Variants in ARHGAP26 observed in about 807,000 individuals in gnomAD.
ARHGAP26 encodes the protein rho GTPase-activating protein 26.
A neutral mutation model predicts 104.8 loss-of-function variants in ARHGAP26; 38 were observed. That is an observed-to-expected ratio of 0.36 (90% CI 0.28 to 0.48). The LOEUF (loss-of-function observed/expected upper bound fraction) is 0.48, where lower values mean the gene tolerates loss of function less well. Ranked by LOEUF, ARHGAP26 falls within the 20% of genes least tolerant of loss-of-function variation. ARHGAP26 has a pLI of 0.99. For synonymous variants in ARHGAP26, 341 were observed against 340.0 expected (o/e 1.00, Z -0.03); for missense variants, 704 against 947.9 (o/e 0.74, Z 3.38).
chr5:143,012,544 C>CATATATATATAT (rs1562259165), intron 11 of ARHGAP26, among the ~76,000 whole-genome samples: 1 of 43,078 alleles, frequency 2.3e-5, no homozygotes, highest in Non-Finnish European at 6.1e-5. Flanking sequence ...TATTTATATA[C>CATATATATATAT]ATACATACAT....
intron 11 of ARHGAP26, among the ~76,000 whole-genome samples, chr5:143,013,765 A>T (rs1026656074): frequency 1.3e-5 from 2 of 152,210 alleles, no homozygotes; most frequent in African/African-American, 4.8e-5. Context: ...ATGCTTAATG[A>T]TTTGTAACTA....
chr5:142,894,318 A>C lies in ARHGAP26; in HGVS notation c.567A>C (p.Gln189His). The C allele has an allele frequency of 6.2e-7, 1 of 1,614,122 alleles. No homozygotes were observed. The highest frequency in any genetic ancestry group is 8.5e-7 in the Non-Finnish European group (1 of 1,179,978). The change falls in exon 6 of 23, where the codon CAA (glutamine) becomes CAC (histidine). Residue 189 changes from glutamine to histidine, a missense_variant. By Grantham distance (24) the Gln-to-His change is conservative. Transcript: ENST00000645722. The stretch of plus-strand genomic sequence containing the variant: ...ATGTCTTCAAGGTGCAGGAAGTCCA[A>C]GAGAGAAAGATGTTTGAGTTTGTGG... ...LEYVFKVQEV[Q>H]ERKMFEFVEP...
intron 17 of ARHGAP26, among the ~76,000 whole-genome samples, chr5:143,080,675 A>G (rs1789674771): frequency 6.6e-6 from 1 of 152,242 alleles, no homozygotes; most frequent in Admixed American, 6.5e-5. Context: ...AGAGCTAAGC[A>G]GGGGCCAGAT....
chr5:143,195,374 GT>G (rs1309121105), intron 20 of ARHGAP26, among the ~76,000 whole-genome samples: 6 of 152,124 alleles, frequency 3.9e-5, no homozygotes, highest in African/African-American at 1.4e-4. Context: ...TTACTCCTTT[GT>G]TTTCAGCAGT....
intron 22 of ARHGAP26, 27 bp downstream of exon 22, chr5:143,214,115 T>G (rs1353687395): frequency 5.1e-5 from 18 of 354,526 alleles, no homozygotes; most frequent in African/African-American, 5.6e-5. Flanking sequence ...CTCACAAAGA[T>G]ATGGGCGGGG....
At chr5:142,980,319 A>G (rs1342362797) in intron 11 of ARHGAP26, among the ~76,000 whole-genome samples, 1 of 151,752 alleles carries the variant, frequency 6.6e-6, no homozygotes, top group African/African-American at 2.4e-5. Flanking sequence ...TTGTTTGTAA[A>G]TTTGAGCTAT....
chr5:142,791,727 G>GCTGGGAT (rs1759856426), intron 1 of ARHGAP26, among the ~76,000 whole-genome samples: 3 of 152,088 alleles, frequency 2.0e-5, no homozygotes, highest in African/African-American at 7.2e-5. Flanking sequence ...ACTTTGGGAG[G>GCTGGGAT]CCAAGGCGGG....
chr5:142,865,240 G>A (rs937725008), intron 1 of ARHGAP26, among the ~76,000 whole-genome samples: 4 of 152,088 alleles, frequency 2.6e-5, no homozygotes, highest in Non-Finnish European at 2.9e-5. Flanking sequence ...TTGACACAGC[G>A]GTCATTGATC....
chr5:142,845,377 A>G (rs1478632312), intron 1 of ARHGAP26, among the ~76,000 whole-genome samples: 1 of 152,168 alleles, frequency 6.6e-6, no homozygotes, highest in Admixed American at 6.5e-5. Context: ...AGAGCAGTTA[A>G]GAATAGCAAA....
At chr5:142,844,009 T>C (rs1339360705) in intron 1 of ARHGAP26, among the ~76,000 whole-genome samples, 5 of 151,840 alleles carry the variant, frequency 3.3e-5, no homozygotes, top group African/African-American at 1.2e-4. Context: ...TAATATATAA[T>C]AAGATACTTG....
At chr5:143,156,022 G>T (rs1800427597) in intron 20 of ARHGAP26, among the ~76,000 whole-genome samples, 1 of 152,214 alleles carries the variant, frequency 6.6e-6, no homozygotes, top group South Asian at 2.1e-4. Context: ...ATTTGGGAAG[G>T]AAATAGGCTT....
intron 20 of ARHGAP26, among the ~76,000 whole-genome samples, chr5:143,192,142 A>G (rs952763598): frequency 3.9e-5 from 6 of 152,264 alleles, no homozygotes; most frequent in African/African-American, 1.4e-4. Context: ...CTGCAATTCA[A>G]TGTAGCATCA....
chr5:143,017,783 C>T (rs1309564675), intron 12 of ARHGAP26, among the ~76,000 whole-genome samples: 4 of 152,200 alleles, frequency 2.6e-5, no homozygotes, highest in Non-Finnish European at 4.4e-5. Context: ...TCCATCTTCT[C>T]ATGCCTCCAA....
intron 1 of ARHGAP26, among the ~76,000 whole-genome samples, chr5:142,856,466 G>A (rs753478531): frequency 6.6e-6 from 1 of 152,084 alleles, no homozygotes; most frequent in Non-Finnish European, 1.5e-5. Flanking sequence ...TCCTTTTTTC[G>A]TTGTGGCAGA....
At chr5:142,958,268 T>C (rs922345623) in intron 11 of ARHGAP26, among the ~76,000 whole-genome samples, 2 of 152,210 alleles carry the variant, frequency 1.3e-5, no homozygotes, top group African/African-American at 4.8e-5. Flanking sequence ...GTAAAATGCC[T>C]AAATATTTAG....
chr5:142,934,658 G>A (rs181999796), intron 11 of ARHGAP26, among the ~76,000 whole-genome samples: 55 of 152,232 alleles, frequency 3.6e-4, no homozygotes, highest in East Asian at 9.7e-4. Flanking sequence ...TTCTCTAGTC[G>A]GTGTTAGTGT....
chr5:142,852,635 C>T (rs904361510), intron 1 of ARHGAP26, among the ~76,000 whole-genome samples: 4 of 152,180 alleles, frequency 2.6e-5, no homozygotes, highest in Non-Finnish European at 5.9e-5. Context: ...CTGCTTGCTG[C>T]CTGTGGACTG....
chr5:143,132,440 C>T (rs1197306591), intron 18 of ARHGAP26, among the ~76,000 whole-genome samples: 1 of 151,082 alleles, frequency 6.6e-6, no homozygotes, highest in Non-Finnish European at 1.5e-5. Context: ...AGACCAACTT[C>T]AAAGAATAAG....
At position 143,147,285 on chromosome 5, in the gene ARHGAP26, CAAA is replaced by C; in HGVS notation, c.1893_1895del (p.Asn632del). 6.2e-7 allele frequency: 1 copy of C among 1,614,088 alleles called. No individual in the cohort carries two copies. The highest frequency in any genetic ancestry group is 2.2e-5 in the East Asian group (1 of 44,876). On this transcript the variant is annotated inframe_deletion, in exon 20 of 23. Coordinates refer to ENST00000645722, the MANE Select transcript of ARHGAP26 (RefSeq NM_001135608.3). ...AGTTTGGAATCTGTCTCATCAAATC[CAAA>C]CAGCATCCTTAATTCCAGCAGCAGC...
Sources: allele counts gnomAD v4.1 joint callset (sites outside exome capture counted in the v4.1 genomes callset), GRCh38; gene constraint gnomAD v4.1.1; transcripts MANE v1.5; gene names NCBI Gene and HGNC (gene_info 2026-07-23, HGNC 2026-07-21).